OIP5: variants seen among roughly 807,000 people sequenced by gnomAD.
OIP5 encodes the protein Opa interacting protein 5.
In OIP5, 24 loss-of-function variants were observed where a neutral mutation model predicts 20.3. The observed-to-expected ratio is 1.18, with a 90% CI of 0.86 to 1.66. The LOEUF is 1.66. Ranked by LOEUF, OIP5 falls within the 40% of genes most tolerant of loss-of-function variation. The probability of loss-of-function intolerance (pLI) is 0.00; values close to 1 mark genes in which losing one functional copy is unlikely to be tolerated. For synonymous variants in OIP5, 143 were observed against 121.3 expected, an observed-to-expected ratio of 1.18 and a Z score of -1.17; for missense variants, 339 against 289.5, an observed-to-expected ratio of 1.17 and a Z score of -1.24.
intron 3 of OIP5, among the ~76,000 whole-genome samples, chr15:41,314,199 T>G (rs2140459158): frequency 6.6e-6 from 1 of 152,226 alleles, no homozygotes; most frequent in East Asian, 1.9e-4. Flanking sequence ...CCTCCTGGGT[T>G]CAAGCGATTC....
At chr15:41,316,516 G>A (rs77545253) in intron 3 of OIP5, among the ~76,000 whole-genome samples, 2,448 of 152,150 alleles carry the variant, frequency 0.016, 79 homozygotes, top group African/African-American at 0.056. Flanking sequence ...GCGGCCGGGC[G>A]CGGTGGCTCA....
chr15:41,309,754 T>C lies in OIP5; in HGVS notation c.690A>G (p.Ter230TrpextTer6), dbSNP rs1296120117. 6.2e-7 allele frequency: 1 copy of C among 1,607,114 alleles called. No individual in the cohort carries two copies. Among genetic ancestry groups the C allele is most frequent in the Admixed American group, 1.7e-5 (1 of 59,806 alleles). Residue 230 changes from the stop codon to tryptophan (W), a stop_lost, in exon 5 of 5, where the codon TGA becomes TGG. Transcript: ENST00000220514. ...VTPDQSKPEN[*>W] ...CTGACACTCAAGCTTTGGTACAGGA[T>C]CAGTTTTCTGGCTTGGACTGGTCAG...
intron 3 of OIP5, among the ~76,000 whole-genome samples, chr15:41,314,108 CT>C (rs905474526): frequency 3.7e-4 from 55 of 147,616 alleles, no homozygotes; most frequent in African/African-American, 9.1e-4. Flanking sequence ...CTGTTCCTCA[CT>C]TTTTTTTTTT....
chr15:41,323,217 G>GC (rs1273351882), intron 2 of OIP5, among the ~76,000 whole-genome samples: 2 of 151,832 alleles, frequency 1.3e-5, no homozygotes, highest in African/African-American at 2.4e-5. Flanking sequence ...CCATTCGGGC[G>GC]CAATGGCTCA....
At chr15:41,321,461 G>A (rs890758041) in intron 2 of OIP5, among the ~76,000 whole-genome samples, 2 of 152,244 alleles carry the variant, frequency 1.3e-5, no homozygotes, top group African/African-American at 4.8e-5. Context: ...TGATGACAAT[G>A]GCAGTTTTGT....
intron 2 of OIP5, among the ~76,000 whole-genome samples, chr15:41,320,859 A>G (rs2047819060): frequency 6.7e-6 from 1 of 148,236 alleles, no homozygotes; most frequent in Non-Finnish European, 1.5e-5. Context: ...CCCGGCCGCC[A>G]TCCCATCTAG....
intron 2 of OIP5, among the ~76,000 whole-genome samples, chr15:41,326,398 G>A (rs2047861788): frequency 6.6e-6 from 1 of 152,262 alleles, no homozygotes; most frequent in Non-Finnish European, 1.5e-5. Flanking sequence ...CTCTGATCAT[G>A]TGTATAGTCT....
Position 41,313,289 on chromosome 15 carries a change from G to A in OIP5, c.578C>T (p.Ser193Leu). ...SEMDIQNVPL[S>L]EKIAELKEKI... ...AAATTTTACCTCTGCAATCTTTTCTGATAGAGGAACATTTTGAATATCCAT... is the reference window on the plus strand; with the variant it reads ...AAATTTTACCTCTGCAATCTTTTCTAATAGAGGAACATTTTGAATATCCAT... The change falls in exon 4 of 5, where the codon TCA (serine) becomes TTA (leucine). Residue 193 changes from serine (S) to leucine (L), a missense_variant. By Grantham distance (145) the Ser-to-Leu change is moderately radical. Transcript: ENST00000220514. 3 of 1,599,110 alleles carry A rather than the reference G, an allele frequency of 1.9e-6. No individual in the cohort carries two copies. Among genetic ancestry groups the A allele is most frequent in the Non-Finnish European group, 2.6e-6 (3 of 1,170,144 alleles).
rs188032919 is a variant in OIP5 at position 41,316,601 on chromosome 15, T to C, written c.512+3057A>G. 2.6e-5 allele frequency among the ~76,000 whole-genome samples: 4 copies of C among 151,958 alleles called. No homozygotes were observed. The East Asian group carries it at 7.8e-4, about 29-fold the overall frequency. ...TCAAGGAGATCGAGACCATCCTGGC[T>C]AACACAGTGAAACCCCGTCTCTACT... On this transcript the variant is annotated intron_variant, in intron 3 of 4. Transcript: ENST00000220514.
At position 41,321,208 on chromosome 15, in the gene OIP5, T is replaced by A. The variant is rs530858856; in HGVS notation, c.390-1428A>T. Among the ~76,000 whole-genome samples the A allele has an allele frequency of 3.8e-3, 511 of 135,256 alleles. 4 individuals are homozygous for A. Among genetic ancestry groups the A allele is most frequent in the South Asian group, 5.8e-3 (24 of 4,112 alleles). 88.7% of individuals were successfully genotyped at this position (135,256 alleles called of 152,430 possible). On this transcript the variant is annotated intron_variant, in intron 2 of 4. Coordinates refer to ENST00000220514, the MANE Select transcript of OIP5 (RefSeq NM_007280.2). ...CCCGTCCAGGAGGGAGGTGGGGGGG[T>A]CAGCCCCCCGCCCGGCCAGCCGCCC...
chr15:41,332,254 GC>G lies in OIP5; in HGVS notation c.307del (p.Ala103ProfsTer18). Reference sequence around the variant, plus strand: ...ACTGCACTCACTGGAGAAGACCACGGCCCCGAGGGACCGCGACAGGTCCCAG... The same window carrying G: ...ACTGCACTCACTGGAGAAGACCACGGCCCGAGGGACCGCGACAGGTCCCAG... ...LAWDLSRSLG[A>X]VVFSRVTNNV... On this transcript the variant is annotated frameshift_variant, in exon 1 of 5. Coordinates refer to ENST00000220514, the MANE Select transcript of OIP5 (RefSeq NM_007280.2). LOFTEE classifies it high-confidence loss of function. The G allele has an allele frequency of 6.5e-7, 1 of 1,548,242 alleles. No individual in the cohort carries two copies. Among genetic ancestry groups the G allele is most frequent in the Non-Finnish European group, 8.7e-7 (1 of 1,148,878 alleles).
At chr15:41,312,739 C>G (rs1350927153) in intron 4 of OIP5, among the ~76,000 whole-genome samples, 2 of 151,928 alleles carry the variant, frequency 1.3e-5, no homozygotes, top group Non-Finnish European at 2.9e-5. Flanking sequence ...AGCAATTCTC[C>G]TGCCTCTGCC....
intron 4 of OIP5, among the ~76,000 whole-genome samples, chr15:41,311,210 G>T (rs576930199): frequency 6.6e-6 from 1 of 152,054 alleles, no homozygotes; most frequent in Non-Finnish European, 1.5e-5. Flanking sequence ...GTAAAACCCC[G>T]TCTCTACTAA....
chr15:41,313,843 C>G (rs926854556), intron 3 of OIP5, among the ~76,000 whole-genome samples: 2 of 151,948 alleles, frequency 1.3e-5, no homozygotes, highest in Admixed American at 1.3e-4. Flanking sequence ...TGGTGAGGTC[C>G]TGGAACCACA....
rs2047739531 is a variant in OIP5 at position 41,309,292 on chromosome 15, T to G, written c.*462A>C. The G allele has an allele frequency of 6.6e-6, 1 of 152,296 alleles. No homozygotes were observed. The highest frequency in any genetic ancestry group is 1.5e-5 in the Non-Finnish European group (1 of 68,080). 9.4% of individuals were successfully genotyped at this position (152,296 alleles called of 1,614,324 possible). A position where few individuals can be genotyped will look rare whatever the true frequency, so the allele number is the denominator to read the frequency against. On this transcript the variant is annotated 3_prime_UTR_variant, in exon 5 of 5. Transcript: ENST00000220514. ...ATTGTATATTATTCAGGCAATTTAT[T>G]AAACATTACCTATAGAATATTATGA...
At position 41,312,271 on chromosome 15, in the gene OIP5, C is replaced by T. The variant is rs535676949; in HGVS notation, c.594+1002G>A. 4.2e-4 allele frequency among the ~76,000 whole-genome samples: 64 copies of T among 151,824 alleles called. 2 individuals carry two copies. The South Asian group carries it at 0.011, about 27-fold the overall frequency. ...CTATCTCGCAGGTTCAAGTGCTTCT[C>T]CTGTCTCAACCTCCCAAGTAGCTGG... is the stretch of plus-strand genomic sequence containing the variant. On this transcript the variant is annotated intron_variant, in intron 4 of 4. Transcript: ENST00000220514.
chr15:41,314,261 C>T (rs1185163783), intron 3 of OIP5, among the ~76,000 whole-genome samples: 1 of 152,084 alleles, frequency 6.6e-6, no homozygotes, highest in East Asian at 1.9e-4. Flanking sequence ...GCCACCACGC[C>T]CAGCTAATTT....
rs1436537466 is a variant in OIP5, at chr15:41,309,866, A to G, written c.595-17T>C. 6.5e-7 allele frequency: 1 copy of G among 1,547,078 alleles called. No individual in the cohort carries two copies. The highest frequency in any genetic ancestry group is 1.7e-5 in the Admixed American group (1 of 58,224). The stretch of plus-strand genomic sequence containing the variant: ...CTCTTTCAGCTAGGAAGAGAAATAT[A>G]TAGATATCAGGGCATCTTTTTTTAT... On this transcript the variant is annotated splice_polypyrimidine_tract_variant and intron_variant, in intron 4 of 4. Coordinates refer to ENST00000220514, the MANE Select transcript of OIP5 (RefSeq NM_007280.2).
chr15:41,319,074 CTTT>C (rs755273212), intron 3 of OIP5, among the ~76,000 whole-genome samples: 6 of 141,308 alleles, frequency 4.2e-5, no homozygotes, highest in Non-Finnish European at 1.6e-5. Context: ...TGTCTTTTTT[CTTT>C]TTTTTTTTTT....
Sources: allele counts gnomAD v4.1 joint callset (sites outside exome capture counted in the v4.1 genomes callset), GRCh38; gene constraint gnomAD v4.1.1; transcripts MANE v1.5; gene names NCBI Gene and HGNC (gene_info 2026-07-23, HGNC 2026-07-21).